SLC22A25: variants seen among roughly 807,000 people sequenced by gnomAD.
SLC22A25 encodes MGI:2442751, MGI:2385316, MGI:3042283, MGI:3645714, MGI:3605624, MGI:2442750.
A neutral mutation model predicts 45.9 loss-of-function variants in SLC22A25; 44 were observed. The ratio of observed to expected loss-of-function variants is 0.96; its 90% confidence interval spans 0.75 to 1.23. The LOEUF (loss-of-function observed/expected upper bound fraction) is 1.23, where lower values mean the gene tolerates loss of function less well. Among genes scored for constraint, SLC22A25 ranks in the 50% most tolerant of loss-of-function variants. SLC22A25 has a pLI of 0.00. For missense variants in SLC22A25, 800 were observed against 666.4 expected (o/e 1.20, Z -2.21); for synonymous variants, 283 against 238.6 (o/e 1.19, Z -1.72).
chr11:63,196,396 C>T (rs1225310811), intron 7 of SLC22A25, among the ~76,000 whole-genome samples: 1 of 152,120 alleles, frequency 6.6e-6, no homozygotes, highest in Non-Finnish European at 1.5e-5. Context: ...ACATCAAAAA[C>T]CTTATCTGCC....
At chr11:63,177,458 T>A (rs1028402653) in intron 9 of SLC22A25, among the ~76,000 whole-genome samples, 1 of 152,026 alleles carries the variant, frequency 6.6e-6, no homozygotes, top group African/African-American at 2.4e-5. Flanking sequence ...TAAAGTCACC[T>A]ATAGTCAACT....
intron 8 of SLC22A25, 104 bp downstream of exon 8, chr11:63,183,590 C>T: frequency 6.8e-7 from 1 of 1,469,160 alleles, no homozygotes; most frequent in East Asian, 2.3e-5. Context: ...TGACCCATAA[C>T]TCTACCTGTG....
intron 7 of SLC22A25, among the ~76,000 whole-genome samples, chr11:63,196,975 AG>A (rs139245383): frequency 0.12 from 18,634 of 152,162 alleles, 2,089 homozygotes; most frequent in African/African-American, 0.3. Context: ...ACACACAGAG[AG>A]CCAAACCATG....
intron 7 of SLC22A25, among the ~76,000 whole-genome samples, chr11:63,211,219 G>A (rs924272250): frequency 6.6e-6 from 1 of 152,112 alleles, no homozygotes; most frequent in Non-Finnish European, 1.5e-5. Flanking sequence ...TACCTAGAGA[G>A]GAAATTGAAG....
In SLC22A25 at chr11:63,217,737, T is replaced by C. The variant is rs1176781134; in HGVS notation, c.507-2A>G. ...CTGAGCACGAACTTTCTCCCAAACC[T>C]GAGAAACAGGGGCACATTAGATAAT... On this transcript the variant is annotated splice_acceptor_variant, in intron 5 of 11. Transcript: ENST00000306494. LOFTEE classifies it high-confidence loss of function. The C allele has an allele frequency of 6.2e-7, 1 of 1,600,816 alleles. No homozygotes were observed.
chr11:63,212,160 A>T lies in SLC22A25; in HGVS notation c.830+5154T>A, dbSNP rs571955729. On this transcript the variant is annotated intron_variant, in intron 7 of 11. Coordinates refer to ENST00000306494, the MANE Select transcript of SLC22A25 (RefSeq NM_199352.6). Reference sequence around the variant, plus strand: ...TTAGAATGGCGATCATTAAAAAGTCAGGAAACAACAGGTGCTGGAGAGGAT... The same window carrying T: ...TTAGAATGGCGATCATTAAAAAGTCTGGAAACAACAGGTGCTGGAGAGGAT... Among the ~76,000 whole-genome samples, 1,057 of 152,018 alleles carry T rather than the reference A, an allele frequency of 7.0e-3. 16 individuals carry two copies. Among genetic ancestry groups the T allele is most frequent in the African/African-American group, 0.024 (978 of 41,424 alleles).
At chr11:63,200,296 G>T (rs1286049101) in intron 7 of SLC22A25, among the ~76,000 whole-genome samples, 1 of 149,224 alleles carries the variant, frequency 6.7e-6, no homozygotes, top group Non-Finnish European at 1.5e-5. Flanking sequence ...ACATTGAAAA[G>T]CTTATCCAGC....
rs2087707308 is a variant in SLC22A25 at position 63,166,996 on chromosome 11, C to T, written c.1071-738G>A. The T allele has an allele frequency of 7.6e-6, 3 of 395,822 alleles. No individual in the cohort carries two copies. The South Asian group carries it at 3.1e-4, about 41-fold the overall frequency. 24.5% of individuals were successfully genotyped at this position (395,822 alleles called of 1,614,324 possible). A position where few individuals can be genotyped will look rare whatever the true frequency, so the allele number is the denominator to read the frequency against. On this transcript the variant is annotated intron_variant, in intron 9 of 11. Coordinates refer to ENST00000306494, the MANE Select transcript of SLC22A25 (RefSeq NM_199352.6). ...AGGTACCCGGTTCATCTCACTGGGA[C>T]TGGTTAGACAGCGGGTGGGTGCAGC...
At chr11:63,172,989 CTGG>C (rs1031084923) in intron 9 of SLC22A25, among the ~76,000 whole-genome samples, 1 of 151,986 alleles carries the variant, frequency 6.6e-6, no homozygotes, top group Non-Finnish European at 1.5e-5. Context: ...CAATGATAGA[CTGG>C]ATAAAGAAAA....
chr11:63,163,744 A>G lies in SLC22A25; in HGVS notation c.*80T>C. ...GGATACACCAAAGGCAAAGGCACTG[A>G]CTACATGGGAATAGCCCAGATCTAA... On this transcript the variant is annotated 3_prime_UTR_variant, in exon 12 of 12. Transcript: ENST00000306494. 6.6e-7 allele frequency: 1 copy of G among 1,522,974 alleles called. No homozygotes were observed. Among genetic ancestry groups the G allele is most frequent in the Non-Finnish European group, 8.8e-7 (1 of 1,137,404 alleles). 94.3% of individuals were successfully genotyped at this position (1,522,974 alleles called of 1,614,324 possible).
chr11:63,233,941 C>T lies in SLC22A25; in HGVS notation c.-444-3845G>A, dbSNP rs1245960184. ...GTTTTTCAGTTTCCATGTAGTTGAG[C>T]AGTTTTGAGTGAGTTTCTTAATCCT... On this transcript the variant is annotated intron_variant, in intron 3 of 11. Coordinates refer to ENST00000306494, the MANE Select transcript of SLC22A25 (RefSeq NM_199352.6). Among the ~76,000 whole-genome samples the T allele has an allele frequency of 3.3e-5, 5 of 152,240 alleles. No individual in the cohort carries two copies. In the East Asian group the frequency reaches 7.7e-4, roughly 24 times the overall value.
rs547887435 is a variant in SLC22A25 at position 63,163,982 on chromosome 11, G to T, written c.1486C>A (p.Leu496Met). The change falls in exon 12 of 12, where the codon CTG becomes ATG. Residue 496 changes from leucine (L) to methionine (M), a missense_variant. By Grantham distance (15) the Leu-to-Met change is conservative. Coordinates refer to ENST00000306494, the MANE Select transcript of SLC22A25 (RefSeq NM_199352.6). ...MMILSIYSRP[L>M]PWIIYGVFAI... ...AAGACTCCATAGATGATCCAGGGCA[G>T]GGGTCGAGAATATATGCTTAGGATC... The T allele has an allele frequency of 6.8e-6, 11 of 1,613,934 alleles. No homozygotes were observed. The African/African-American group carries it at 1.3e-4, about 20-fold the overall frequency.
chr11:63,241,966 G>A (rs920603081), intron 1 of SLC22A25, among the ~76,000 whole-genome samples: 1 of 152,118 alleles, frequency 6.6e-6, no homozygotes. Context: ...ACAGAAATGA[G>A]GTTTCTAAGA....
chr11:63,180,462 A>G (rs1304126430), intron 9 of SLC22A25, among the ~76,000 whole-genome samples, 198 bp downstream of exon 9: 1 of 152,196 alleles, frequency 6.6e-6, no homozygotes, highest in Non-Finnish European at 1.5e-5. Flanking sequence ...ATGATGTTAT[A>G]AACAGAAATT....
intron 5 of SLC22A25, chr11:63,219,928 A>T: frequency 1.6e-6 from 2 of 1,289,114 alleles, no homozygotes; most frequent in Non-Finnish European, 2.0e-6. Flanking sequence ...TTCAGGAGAG[A>T]TACCAGAAGA....
intron 2 of SLC22A25, 93 bp downstream of exon 2, chr11:63,238,624 C>G (rs73501612): frequency 0.021 from 3,299 of 153,538 alleles, 121 homozygotes; most frequent in African/African-American, 0.075. Flanking sequence ...GAATAAGCAC[C>G]TACATGTGAC....
chr11:63,192,333 A>G (rs1445195285), intron 7 of SLC22A25, among the ~76,000 whole-genome samples: 1 of 152,178 alleles, frequency 6.6e-6, no homozygotes, highest in African/African-American at 2.4e-5. Flanking sequence ...GAGCTCCTGA[A>G]AGAAGCACTA....
At chr11:63,165,619 G>A (rs1002598357) in intron 10 of SLC22A25, among the ~76,000 whole-genome samples, 1 of 152,144 alleles carries the variant, frequency 6.6e-6, no homozygotes, top group African/African-American at 2.4e-5. Context: ...AGTGATTAGG[G>A]AGTACTTTGT....
chr11:63,242,185 T>C (rs2090259762), intron 1 of SLC22A25, among the ~76,000 whole-genome samples: 1 of 152,006 alleles, frequency 6.6e-6, no homozygotes, highest in Non-Finnish European at 1.5e-5. Context: ...GCTATTTACC[T>C]CCCCCTCCAC....
Sources: allele counts gnomAD v4.1 joint callset (sites outside exome capture counted in the v4.1 genomes callset), GRCh38; gene constraint gnomAD v4.1.1; transcripts MANE v1.5; gene names NCBI Gene and HGNC (gene_info 2026-07-23, HGNC 2026-07-21).